METAP2: variants seen among roughly 807,000 people sequenced by gnomAD.
METAP2 encodes methionyl aminopeptidase 2, also known as methionine aminopeptidase 2.
METAP2 carries 25 observed loss-of-function variants against 59.4 expected under a neutral mutation model. The observed-to-expected ratio is 0.42, with a 90% CI of 0.31 to 0.59. The LOEUF is 0.59. Among genes scored for constraint, METAP2 ranks in the 20% least tolerant of loss-of-function variants. METAP2 has a pLI of 0.16. For missense variants in METAP2, 366 were observed against 581.2 expected (o/e 0.63, Z 3.81); for synonymous variants, 214 against 194.1 (o/e 1.10, Z -0.85).
At chr12:95,508,093 C>T (rs1004648919) in intron 8 of METAP2, among the ~76,000 whole-genome samples, 21 of 151,980 alleles carry the variant, frequency 1.4e-4, no homozygotes, top group African/African-American at 5.1e-4. Context: ...TTCACATATT[C>T]TACTTTTGGC....
intron 2 of METAP2, 131 bp from the exon 3 acceptor site, chr12:95,483,084 A>G (rs2076170562): frequency 3.9e-6 from 3 of 762,104 alleles, no homozygotes; most frequent in African/African-American, 1.7e-5. Flanking sequence ...GAAAGAATAA[A>G]TGTAAACAAG....
intron 5 of METAP2, among the ~76,000 whole-genome samples, chr12:95,494,601 G>T (rs1348630367): frequency 6.6e-6 from 1 of 152,154 alleles, no homozygotes; most frequent in Non-Finnish European, 1.5e-5. Flanking sequence ...TTGATAAATG[G>T]TTAGTATAAC....
At chr12:95,482,201 C>G (rs929747151) in intron 2 of METAP2, 2 of 451,452 alleles carry the variant, frequency 4.4e-6, no homozygotes, top group Non-Finnish European at 8.9e-6. Flanking sequence ...CCTTGACTTC[C>G]CTGGCTCAGG....
intron 4 of METAP2, among the ~76,000 whole-genome samples, chr12:95,493,587 A>T (rs922935402): frequency 2.0e-5 from 3 of 152,210 alleles, no homozygotes; most frequent in African/African-American, 4.8e-5. Flanking sequence ...CACGCATGTA[A>T]TATGTGTTTT....
intron 2 of METAP2, among the ~76,000 whole-genome samples, chr12:95,476,917 A>G (rs181343409): frequency 6.6e-6 from 1 of 152,280 alleles, no homozygotes; most frequent in East Asian, 1.9e-4. Flanking sequence ...TTTTTTGGTA[A>G]TGGACTGTCT....
intron 7 of METAP2, among the ~76,000 whole-genome samples, chr12:95,502,949 A>ATT (rs71307542): frequency 0.14 from 18,154 of 134,116 alleles, 1,280 homozygotes; most frequent in African/African-American, 0.16. Context: ...TTGTTCATAC[A>ATT]TTTTTTTTTT....
intron 2 of METAP2, among the ~76,000 whole-genome samples, chr12:95,480,895 CCT>C (rs749669925): frequency 6.6e-6 from 1 of 152,046 alleles, no homozygotes; most frequent in East Asian, 1.9e-4. Flanking sequence ...CTTTTTGTGT[CCT>C]GTCTAAAAAG....
At chr12:95,480,288 A>C (rs115571337) in intron 2 of METAP2, among the ~76,000 whole-genome samples, 1 of 152,272 alleles carries the variant, frequency 6.6e-6, no homozygotes, top group East Asian at 1.9e-4. Flanking sequence ...ATTGAACAAT[A>C]TTTGGGGTGT....
intron 5 of METAP2, among the ~76,000 whole-genome samples, chr12:95,494,607 A>G (rs558056636): frequency 2.0e-5 from 3 of 152,360 alleles, no homozygotes; most frequent in Admixed American, 6.5e-5. Context: ...AATGGTTAGT[A>G]TAACATGTAA....
intron 8 of METAP2, among the ~76,000 whole-genome samples, chr12:95,505,337 C>G (rs1594434509): frequency 7.7e-6 from 1 of 129,752 alleles, no homozygotes; most frequent in South Asian, 2.6e-4. Flanking sequence ...CAGACTTAAA[C>G]TTTTTTTTGA....
rs1313808414 is a variant in METAP2, at chr12:95,513,725, C to A, written c.1258C>A (p.Leu420Met). ...FGTLAFCRRWLDRLGESKYLM... is the reference protein window; with the variant it reads ...FGTLAFCRRWMDRLGESKYLM... Reference sequence around the variant, plus strand: ...AACCCTTGCCTTCTGCCGCAGATGGCTGGATCGCTTGGGAGAAAGTAAATA... The same window carrying A: ...AACCCTTGCCTTCTGCCGCAGATGGATGGATCGCTTGGGAGAAAGTAAATA... Residue 420 changes from leucine (L) to methionine (M), a missense_variant, in exon 11 of 11, where the codon CTG becomes ATG. Leu to Met is a conservative substitution (Grantham distance 15). Coordinates refer to ENST00000323666, the MANE Select transcript of METAP2 (RefSeq NM_006838.4). The A allele has an allele frequency of 6.2e-7, 1 of 1,614,084 alleles. No homozygotes were observed. The highest frequency in any genetic ancestry group is 8.5e-7 in the Non-Finnish European group (1 of 1,180,040).
At position 95,513,809 on chromosome 12, in the gene METAP2, T is replaced by A; in HGVS notation, c.1342T>A (p.Cys448Ser). The change falls in exon 11 of 11, where the codon TGT becomes AGT. Residue 448 changes from cysteine to serine, a missense_variant. This residue lies in a region of METAP2 where 82 missense variants were observed against 156.2 expected (regional missense o/e 0.52). Transcript: ENST00000323666. ...LGIVDPYPPL[C>S]DIKGSYTAQF... is the part of the protein sequence containing the mutation. ...CATTGTAGATCCATATCCACCATTA[T>A]GTGACATTAAAGGATCATATACAGC... The A allele has an allele frequency of 6.2e-7, 1 of 1,614,212 alleles. No individual in the cohort carries two copies. The highest frequency in any genetic ancestry group is 1.1e-5 in the South Asian group (1 of 91,084).
At chr12:95,504,004 AT>A in intron 7 of METAP2, 60 bp from the exon 8 acceptor site, 1 of 1,240,282 alleles carries the variant, frequency 8.1e-7, no homozygotes, top group Non-Finnish European at 1.2e-6. Flanking sequence ...ATGTTACAAA[AT>A]TAAGTTGCTA....
At chr12:95,486,106 G>A in intron 4 of METAP2, 125 bp downstream of exon 4, 1 of 679,120 alleles carries the variant, frequency 1.5e-6, no homozygotes. Context: ...TTGTCATAAA[G>A]AAGATACAGT....
chr12:95,508,989 T>C (rs1245195043), intron 8 of METAP2, among the ~76,000 whole-genome samples: 1 of 152,170 alleles, frequency 6.6e-6, no homozygotes, highest in Non-Finnish European at 1.5e-5. Context: ...CGGGTTGAAC[T>C]TTCCAGAACA....
intron 8 of METAP2, among the ~76,000 whole-genome samples, chr12:95,505,079 A>G (rs1241818815): frequency 6.6e-6 from 1 of 151,780 alleles, no homozygotes; most frequent in Non-Finnish European, 1.5e-5. Flanking sequence ...CTTATAGACT[A>G]TTTTCTATAT....
chr12:95,486,353 T>G (rs2076196769), intron 4 of METAP2, among the ~76,000 whole-genome samples: 1 of 152,214 alleles, frequency 6.6e-6, no homozygotes, highest in African/African-American at 2.4e-5. Context: ...TAAGGGTTGA[T>G]GTCTACTATA....
At chr12:95,494,321 TA>T (rs2076261939) in intron 5 of METAP2, 104 bp downstream of exon 5, 1 of 1,098,102 alleles carries the variant, frequency 9.1e-7, no homozygotes. Flanking sequence ...GCTAAATCTT[TA>T]AGTAAAGGTT....
At position 95,515,744 on chromosome 12, in the gene METAP2, ATTTTG is replaced by A. The variant is rs769928022; in HGVS notation, c.*1843_*1847del. The A allele has an allele frequency of 2.6e-5, 4 of 152,204 alleles. No individual in the cohort carries two copies. The highest frequency in any genetic ancestry group is 5.9e-5 in the Non-Finnish European group (4 of 68,048). The allele number at this position is 152,204 out of a possible 1,614,324, so 9.4% of individuals were successfully genotyped here. A position where few individuals can be genotyped will look rare whatever the true frequency, so the allele number is the denominator to read the frequency against. ...GCTTATTAGCCATGTATCTCTTAAAATTTTGTTATGTTTACAACGATGTACCTTAT... is the reference window on the plus strand; with the variant it reads ...GCTTATTAGCCATGTATCTCTTAAAATTATGTTTACAACGATGTACCTTAT... On this transcript the variant is annotated 3_prime_UTR_variant, in exon 11 of 11. Coordinates refer to ENST00000323666, the MANE Select transcript of METAP2 (RefSeq NM_006838.4).
Sources: gnomAD v4.1 joint callset for allele counts (sites outside exome capture counted in the v4.1 genomes callset) on GRCh38, gnomAD v4.1.1 for gene constraint, gnomAD v4.1.1 regional missense constraint, MANE v1.5 for transcripts, NCBI Gene and HGNC (gene_info 2026-07-23, HGNC 2026-07-21) for gene names.